AP3B2: variants seen among roughly 807,000 people sequenced by gnomAD.
AP3B2 encodes AP-3 complex subunit beta-2.
In AP3B2, 50 loss-of-function variants were observed where a neutral mutation model predicts 126.9. The observed-to-expected ratio is 0.39, with a 90% CI of 0.31 to 0.50. AP3B2 has a LOEUF of 0.50. Among genes scored for constraint, AP3B2 ranks in the 20% least tolerant of loss-of-function variants. The probability of loss-of-function intolerance (pLI) is 0.79; values close to 1 mark genes in which losing one functional copy is unlikely to be tolerated. For missense variants in AP3B2, 1,177 were observed against 1,426.4 expected (o/e 0.83, Z 2.82); for synonymous variants, 541 against 565.0 (o/e 0.96, Z 0.60).
At chr15:82,706,415 C>A (rs941887380) in intron 1 of AP3B2, among the ~76,000 whole-genome samples, 1 of 152,158 alleles carries the variant, frequency 6.6e-6, no homozygotes, top group African/African-American at 2.4e-5. Context: ...GGTCCTCCAT[C>A]ATTAATTCCT....
At chr15:82,688,365 T>C in intron 4 of AP3B2, 1 of 697,686 alleles carries the variant, frequency 1.4e-6, no homozygotes, top group Non-Finnish European at 2.6e-6. Flanking sequence ...GGTTGAAATC[T>C]ACCTGGCTGT....
At chr15:82,677,979 T>C in intron 11 of AP3B2, 126 bp downstream of exon 11, 1 of 1,374,906 alleles carries the variant, frequency 7.3e-7, no homozygotes, top group Non-Finnish European at 9.9e-7. Context: ...GCCAAACACA[T>C]TGGAACGGGA....
intron 1 of AP3B2, among the ~76,000 whole-genome samples, chr15:82,693,498 C>T (rs186841101): frequency 7.2e-4 from 110 of 152,092 alleles, no homozygotes; most frequent in African/African-American, 2.5e-3. Context: ...CTTCCCGCCT[C>T]ATCCTCCCAA....
intron 9 of AP3B2, 139 bp from the exon 10 acceptor site, chr15:82,679,939 T>G (rs1264167330): frequency 1.1e-6 from 1 of 931,052 alleles, no homozygotes; most frequent in Non-Finnish European, 1.7e-6. Flanking sequence ...AAGTCTTCCC[T>G]CGTCCATCTC....
At chr15:82,673,752 T>C (rs2048195960) in intron 14 of AP3B2, among the ~76,000 whole-genome samples, 1 of 152,228 alleles carries the variant, frequency 6.6e-6, no homozygotes, top group Non-Finnish European at 1.5e-5. Context: ...TTTCCAAATG[T>C]TCTATGATAA....
At position 82,703,743 on chromosome 15, in the gene AP3B2, C is replaced by G. The variant is rs191883778; in HGVS notation, c.113+5851G>C. Among the ~76,000 whole-genome samples the G allele has an allele frequency of 7.9e-4, 120 of 152,196 alleles. 1 individual carries two copies. The highest frequency in any genetic ancestry group is 3.9e-3 in the South Asian group (19 of 4,822). On this transcript the variant is annotated intron_variant, in intron 1 of 26. Coordinates refer to ENST00000535359, the MANE Select transcript of AP3B2 (RefSeq NM_001278512.2). ...ATCGGTCCCTCCCTAGTCTCTGTTCCCAATGCGACTCATCCCAAATCCTCC... is the reference window on the plus strand; with the variant it reads ...ATCGGTCCCTCCCTAGTCTCTGTTCGCAATGCGACTCATCCCAAATCCTCC...
rs2048033741 is a variant in AP3B2 at position 82,665,366 on chromosome 15, T to C, written c.1972-63A>G. ...GGCACTGCCAGGGCTCCCTACTGTC[T>C]GCCCCCACCAACACACACACACACA... On this transcript the variant is annotated intron_variant, in intron 16 of 26. Transcript: ENST00000535359. This position sits in a 1 kb window ranked among gnomAD's most constrained non-coding sequence, Gnocchi z 4.4. The C allele has an allele frequency of 6.5e-7, 1 of 1,530,980 alleles. No homozygotes were observed. Among genetic ancestry groups the C allele is most frequent in the African/African-American group, 1.4e-5 (1 of 69,684 alleles). 94.8% of individuals were successfully genotyped at this position (1,530,980 alleles called of 1,614,324 possible).
rs150634084 is a variant in AP3B2, at chr15:82,659,542, G to C, written c.*18C>G. The C allele has an allele frequency of 2.3e-4, 369 of 1,613,008 alleles. 2 individuals carry two copies. In the East Asian group the frequency reaches 7.7e-3, roughly 34 times the overall value. On this transcript the variant is annotated 3_prime_UTR_variant, in exon 27 of 27. Coordinates refer to ENST00000535359, the MANE Select transcript of AP3B2 (RefSeq NM_001278512.2). ...GGGAGGTATAGATGGGAGCCAAACA[G>C]GTCACAGCATTTGGAAGTCACTGGG...
At position 82,693,407 on chromosome 15, in the gene AP3B2, C is replaced by T. The variant is rs536764367; in HGVS notation, c.114-3954G>A. Among the ~76,000 whole-genome samples the T allele has an allele frequency of 6.6e-5, 10 of 151,376 alleles. No individual in the cohort carries two copies. In the South Asian group the frequency reaches 1.0e-3, roughly 16 times the overall value. ...GATTACAGGCATGCACCACCACGCT[C>T]GGGTAATTTTTGTATTTTTAGTAGA... On this transcript the variant is annotated intron_variant, in intron 1 of 26. Coordinates refer to ENST00000535359, the MANE Select transcript of AP3B2 (RefSeq NM_001278512.2).
At position 82,664,610 on chromosome 15, in the gene AP3B2, C is replaced by T. The variant is rs879091351; in HGVS notation, c.2138-120G>A. 23 of 1,344,246 alleles carry T rather than the reference C, an allele frequency of 1.7e-5. No individual in the cohort carries two copies. In the East Asian group the frequency reaches 5.0e-4, roughly 29 times the overall value. The allele number at this position is 1,344,246 out of a possible 1,614,324, so 83.3% of individuals were successfully genotyped here. A position where few individuals can be genotyped will look rare whatever the true frequency, so the allele number is the denominator to read the frequency against. ...ACCCTCAAACCTCTCTGACCTGCCCCCAGCCCTACATGCCAGCTGGAACTG... is the reference window on the plus strand; with the variant it reads ...ACCCTCAAACCTCTCTGACCTGCCCTCAGCCCTACATGCCAGCTGGAACTG... On this transcript the variant is annotated intron_variant, in intron 18 of 26. Coordinates refer to ENST00000535359, the MANE Select transcript of AP3B2 (RefSeq NM_001278512.2). This position sits in a 1 kb window ranked among gnomAD's most constrained non-coding sequence, Gnocchi z 4.5.
chr15:82,664,463 C>T lies in AP3B2; in HGVS notation c.2165G>A (p.Ser722Asn), dbSNP rs778955037. The change falls in exon 19 of 27, where the codon AGT (serine) becomes AAT (asparagine). Residue 722 changes from serine to asparagine, a missense_variant. Around this residue, in one of 5 missense-constraint regions of AP3B2, gnomAD observed 587 missense variants for 571.3 expected, o/e 1.03. Coordinates refer to ENST00000535359, the MANE Select transcript of AP3B2 (RefSeq NM_001278512.2). This position sits in a 1 kb window ranked among gnomAD's most constrained non-coding sequence, Gnocchi z 4.5. ...SDPESESESD[S>N]KSSSESGSGE... ...AGAGCCGCTCTCACTGCTGCTCTTA[C>T]TGTCCGATTCACTCTCAGACTCAGG... The T allele has an allele frequency of 6.2e-7, 1 of 1,613,848 alleles. No individual in the cohort carries two copies.
Position 82,664,773 on chromosome 15 carries a change from A to G in AP3B2, c.2137+62T>C, listed in dbSNP as rs1567256729. On this transcript the variant is annotated intron_variant, in intron 18 of 26. Transcript: ENST00000535359. The surrounding 1 kb of genome is among the most constrained non-coding windows in gnomAD (Gnocchi z 4.5). ...ACAACCATATACATATACCCCTCAT[A>G]TAGTCAGTCACACAGATGCATGGGC... 1.5e-6 allele frequency: 2 copies of G among 1,300,742 alleles called. No individual in the cohort carries two copies. Among genetic ancestry groups the G allele is most frequent in the African/African-American group, 1.5e-5 (1 of 68,160 alleles). 80.6% of individuals were successfully genotyped at this position (1,300,742 alleles called of 1,614,324 possible).
At chr15:82,687,783 C>A (rs894327832) in intron 4 of AP3B2, 1 of 152,198 alleles carries the variant, frequency 6.6e-6, no homozygotes, top group Non-Finnish European at 1.5e-5. Flanking sequence ...TGAGCTGGAC[C>A]TTTCACAATC....
At position 82,709,773 on chromosome 15, in the gene AP3B2, G is replaced by A. The variant is rs980154418; in HGVS notation, c.-67C>T. 31 of 1,312,710 alleles carry A rather than the reference G, an allele frequency of 2.4e-5. No homozygotes were observed. The African/African-American group carries it at 4.6e-4, about 20-fold the overall frequency. The allele number at this position is 1,312,710 out of a possible 1,614,324, so 81.3% of individuals were successfully genotyped here. On this transcript the variant is annotated 5_prime_UTR_variant, in exon 1 of 27. Coordinates refer to ENST00000535359, the MANE Select transcript of AP3B2 (RefSeq NM_001278512.2). ...CCGGAGGCCGGCTGGAGCGGAGGAA[G>A]GGAAGGCGGGCCGGTCCGGTCCGGG...
At chr15:82,670,015 A>C (rs1410883144) in intron 14 of AP3B2, among the ~76,000 whole-genome samples, 12 of 145,460 alleles carry the variant, frequency 8.2e-5, no homozygotes, top group Non-Finnish European at 1.7e-4. Context: ...AAAAAAAAAA[A>C]AAAAAAAAAC....
rs757896162 is a variant in AP3B2 at position 82,677,703 on chromosome 15, T to C, written c.1346A>G (p.Asn449Ser). 6.9e-6 allele frequency: 11 copies of C among 1,589,202 alleles called. No homozygotes were observed. The highest frequency in any genetic ancestry group is 1.2e-5 in the South Asian group (1 of 86,464). ...NIGRVRDTCL[N>S]GLVQLLSNRD... ...GTTGGACAGCAGCTGCACCAGGCCATTGAGGCAGGTGTCACGGACTCGGCC... is the reference window on the plus strand; with the variant it reads ...GTTGGACAGCAGCTGCACCAGGCCACTGAGGCAGGTGTCACGGACTCGGCC... The change falls in exon 12 of 27, where the codon AAT (asparagine) becomes AGT (serine). Residue 449 changes from asparagine to serine, a missense_variant. Coordinates refer to ENST00000535359, the MANE Select transcript of AP3B2 (RefSeq NM_001278512.2).
chr15:82,701,010 G>A (rs555606284), intron 1 of AP3B2, among the ~76,000 whole-genome samples: 4 of 151,952 alleles, frequency 2.6e-5, no homozygotes, highest in Non-Finnish European at 5.9e-5. Context: ...ATAGACATGC[G>A]TTACCACAAC....
intron 1 of AP3B2, among the ~76,000 whole-genome samples, chr15:82,704,794 G>A (rs899580393): frequency 2.0e-5 from 3 of 152,250 alleles, no homozygotes; most frequent in African/African-American, 7.2e-5. Context: ...CTCTTACAGT[G>A]GAGGGTAAGT....
chr15:82,706,849 T>G (rs1363406379), intron 1 of AP3B2, among the ~76,000 whole-genome samples: 2 of 152,192 alleles, frequency 1.3e-5, no homozygotes, highest in Non-Finnish European at 2.9e-5. Context: ...CAGTGTTCCA[T>G]CTGCTATTCT....
Sources: allele counts gnomAD v4.1 joint callset (sites outside exome capture counted in the v4.1 genomes callset), GRCh38; gene constraint gnomAD v4.1.1; regional missense constraint gnomAD v4.1.1; non-coding constraint Gnocchi (gnomAD v3.1); transcripts MANE v1.5; gene names NCBI Gene and HGNC (gene_info 2026-07-23, HGNC 2026-07-21).